Variants in RHBDF2 observed in about 807,000 individuals in gnomAD.
The protein encoded by RHBDF2 is rhomboid 5 homolog 2.
RHBDF2 carries 38 observed loss-of-function variants against 95.2 expected under a neutral mutation model. The observed-to-expected ratio is 0.40, with a 90% confidence interval of 0.31 to 0.52. RHBDF2 has a LOEUF of 0.52. Among genes scored for constraint, RHBDF2 ranks in the 20% least tolerant of loss-of-function variants. The pLI, the probability that RHBDF2 is intolerant of heterozygous loss-of-function variation, is 0.56. For missense variants in RHBDF2, 863 were observed against 1,137.7 expected, an observed-to-expected ratio of 0.76 and a Z score of 3.47; for synonymous variants, 442 against 462.0, an observed-to-expected ratio of 0.96 and a Z score of 0.55.
rs529185193 is a variant in RHBDF2, at chr17:76,496,984, G to A, written c.-220+4369C>T. 3.9e-5 allele frequency among the ~76,000 whole-genome samples: 6 copies of A among 152,228 alleles called. No individual in the cohort carries two copies. In the South Asian group the frequency reaches 1.0e-3, roughly 26 times the overall value. On this transcript the variant is annotated intron_variant, in intron 1 of 18. Transcript: ENST00000675367. ...TCACCGTATTAGCCAGGATGGTCCC[G>A]ATCTCCTGACCTTGTGACTGCCTGC...
intron 1 of RHBDF2, among the ~76,000 whole-genome samples, chr17:76,498,536 C>G (rs1023999297): frequency 6.6e-6 from 1 of 152,232 alleles, no homozygotes. Context: ...CGCACACTCA[C>G]GGGCAGGCGT....
At chr17:76,472,615 A>C in intron 18 of RHBDF2, 71 bp downstream of exon 18, 1 of 1,594,088 alleles carries the variant, frequency 6.3e-7, no homozygotes, top group Non-Finnish European at 8.6e-7. Flanking sequence ...GGCAGATCCC[A>C]GGTGGGTGGA....
At chr17:76,473,384 C>T in intron 15 of RHBDF2, 57 bp from the exon 16 acceptor site, 1 of 1,481,146 alleles carries the variant, frequency 6.8e-7, no homozygotes, top group Non-Finnish European at 9.3e-7. Context: ...CACTGCCCAC[C>T]TTTGCCCAGA....
At chr17:76,497,366 G>A (rs1055178295) in intron 1 of RHBDF2, among the ~76,000 whole-genome samples, 2 of 152,170 alleles carry the variant, frequency 1.3e-5, no homozygotes, top group Non-Finnish European at 2.9e-5. Context: ...CTGGGCAGAG[G>A]TCAGCAGTTC....
chr17:76,474,313 C>T (rs1031162706), intron 12 of RHBDF2, 60 bp downstream of exon 12: 7 of 1,573,470 alleles, frequency 4.4e-6, no homozygotes, highest in African/African-American at 1.3e-5. Flanking sequence ...AAGGACAGGG[C>T]AAGTGGAGCT....
intron 6 of RHBDF2, among the ~76,000 whole-genome samples, chr17:76,478,294 G>A (rs1598663949): frequency 6.6e-6 from 1 of 152,132 alleles, no homozygotes; most frequent in East Asian, 1.9e-4. Flanking sequence ...CCTTGCATAG[G>A]CCATTCCCTC....
At chr17:76,496,899 C>G (rs1347158283) in intron 1 of RHBDF2, among the ~76,000 whole-genome samples, 1 of 152,118 alleles carries the variant, frequency 6.6e-6, no homozygotes, top group Non-Finnish European at 1.5e-5. Flanking sequence ...GTAGCTGGGA[C>G]TACAGGTGCA....
chr17:76,494,392 AGCT>A (rs2074385010), intron 1 of RHBDF2, among the ~76,000 whole-genome samples: 1 of 152,186 alleles, frequency 6.6e-6, no homozygotes, highest in Non-Finnish European at 1.5e-5. Context: ...CCAGGCCTCG[AGCT>A]GGACACAGCG....
chr17:76,480,071 A>ATTTATT (rs2073915048), intron 3 of RHBDF2: 1 of 35,290 alleles, frequency 2.8e-5, no homozygotes, highest in Non-Finnish European at 5.1e-5. Context: ...ATATATATAT[A>ATTTATT]TTTTTTTTTT....
intron 1 of RHBDF2, among the ~76,000 whole-genome samples, chr17:76,498,314 A>G (rs960614467): frequency 7.2e-5 from 11 of 152,000 alleles, no homozygotes; most frequent in Non-Finnish European, 1.2e-4. Flanking sequence ...CAGCGCTTCC[A>G]CAGCCGGTGC....
At chr17:76,494,802 T>G (rs578022329) in intron 1 of RHBDF2, among the ~76,000 whole-genome samples, 1 of 152,190 alleles carries the variant, frequency 6.6e-6, no homozygotes, top group East Asian at 1.9e-4. Context: ...GGCAGGCAAG[T>G]GGCAGCAGCT....
intron 1 of RHBDF2, chr17:76,493,001 C>T (rs542474959): frequency 6.6e-6 from 1 of 152,434 alleles, no homozygotes; most frequent in Non-Finnish European, 1.5e-5. Context: ...GGGGAAACCA[C>T]CCCCTGGGCG....
chr17:76,489,564 C>A (rs1011053093), intron 1 of RHBDF2, among the ~76,000 whole-genome samples: 1 of 152,170 alleles, frequency 6.6e-6, no homozygotes, highest in Non-Finnish European at 1.5e-5. Flanking sequence ...ACCTCGTGAT[C>A]CGCCTGCCTC....
chr17:76,473,853 T>A lies in RHBDF2; in HGVS notation c.1624A>T (p.Ile542Phe), dbSNP rs1022819273. The A allele has an allele frequency of 2.5e-6, 4 of 1,613,968 alleles. No individual in the cohort carries two copies. In the African/African-American group the frequency reaches 5.3e-5, roughly 22 times the overall value. ...GGGACACTCACCGGCCACTTAGTGATGTCATCGGGCCAGATGTGGGCACCG... is the reference window on the plus strand; with the variant it reads ...GGGACACTCACCGGCCACTTAGTGAAGTCATCGGGCCAGATGTGGGCACCG... Reference protein sequence around the residue: ...SSGAHIWPDDITKWPICTEQA... With the variant: ...SSGAHIWPDDFTKWPICTEQA... Residue 542 changes from isoleucine (I) to phenylalanine (F), a missense_variant, in exon 14 of 19, where the codon ATC (isoleucine) becomes TTC (phenylalanine). Physicochemically the swap from Ile to Phe is conservative, Grantham distance 21 (BLOSUM62 0). Coordinates refer to ENST00000675367, the MANE Select transcript of RHBDF2 (RefSeq NM_001005498.4).
At chr17:76,498,844 GTT>G (rs2074503211) in intron 1 of RHBDF2, among the ~76,000 whole-genome samples, 1 of 151,372 alleles carries the variant, frequency 6.6e-6, no homozygotes, top group Admixed American at 6.6e-5. Flanking sequence ...GTGTCTGTGT[GTT>G]TGTGTGTGTC....
chr17:76,499,948 G>A (rs551468375), intron 1 of RHBDF2, among the ~76,000 whole-genome samples: 5 of 152,222 alleles, frequency 3.3e-5, no homozygotes, highest in African/African-American at 9.6e-5. Flanking sequence ...CCAGCTTCCT[G>A]CAGGGCCAGT....
At chr17:76,481,695 C>T in intron 2 of RHBDF2, 150 bp from the exon 3 acceptor site, 1 of 634,210 alleles carries the variant, frequency 1.6e-6, no homozygotes, top group African/African-American at 1.8e-5. Context: ...TGGCTCACGC[C>T]TGTAATCCCA....
chr17:76,472,652 T>G (rs556959749), intron 18 of RHBDF2, 34 bp downstream of exon 18: 2 of 1,613,404 alleles, frequency 1.2e-6, no homozygotes, highest in Non-Finnish European at 1.7e-6. Context: ...TGGCCCCCTA[T>G]GTGCGGAAGG....
intron 2 of RHBDF2, chr17:76,481,922 G>T: frequency 5.6e-6 from 1 of 178,018 alleles, no homozygotes; most frequent in Non-Finnish European, 1.2e-5. Flanking sequence ...CTGCACTCCA[G>T]CCTGGCGACA....
Sources: gnomAD v4.1 joint callset for allele counts (sites outside exome capture counted in the v4.1 genomes callset) on GRCh38, gnomAD v4.1.1 for gene constraint, MANE v1.5 for transcripts, NCBI Gene and HGNC (gene_info 2026-07-23, HGNC 2026-07-21) for gene names.